Variants in PLD5 observed in about 807,000 individuals in gnomAD.
PLD5 encodes the protein phospholipase D family member 5.
In PLD5, 36 loss-of-function variants were observed where a neutral mutation model predicts 61.1. The observed-to-expected ratio is 0.59, with a 90% CI of 0.45 to 0.78. The LOEUF (loss-of-function observed/expected upper bound fraction) is 0.78, where lower values mean the gene tolerates loss of function less well. PLD5 is among the 30% of genes least tolerant of loss of function. The pLI is 0.00. For missense variants in PLD5, 515 were observed against 644.4 expected, an observed-to-expected ratio of 0.80 and a Z score of 2.17; for synonymous variants, 243 against 242.8, an observed-to-expected ratio of 1.00 and a Z score of -0.01.
chr1:242,161,790 T>C (rs1337630199), intron 5 of PLD5, among the ~76,000 whole-genome samples: 6 of 152,140 alleles, frequency 3.9e-5, no homozygotes, highest in Non-Finnish European at 8.8e-5. Context: ...GCAGGGACTG[T>C]TAGAAATATA....
intron 2 of PLD5, among the ~76,000 whole-genome samples, chr1:242,293,437 T>C (rs984524621): frequency 3.3e-5 from 5 of 152,210 alleles, no homozygotes; most frequent in Non-Finnish European, 7.3e-5. Flanking sequence ...CACATAACTT[T>C]TATTATAGTA....
intron 1 of PLD5, among the ~76,000 whole-genome samples, chr1:242,504,651 T>C (rs74150743): frequency 0.036 from 5,545 of 152,292 alleles, 181 homozygotes; most frequent in African/African-American, 0.086. Flanking sequence ...ACATTTACTT[T>C]GTAGCATATA....
At chr1:242,170,058 C>T (rs1438978983) in intron 5 of PLD5, among the ~76,000 whole-genome samples, 1 of 152,222 alleles carries the variant, frequency 6.6e-6, no homozygotes, top group East Asian at 1.9e-4. Context: ...AGCAACAGAC[C>T]TCTCAGCACA....
chr1:242,519,655 G>T (rs1459382673), intron 1 of PLD5, among the ~76,000 whole-genome samples: 2 of 152,176 alleles, frequency 1.3e-5, no homozygotes, highest in Non-Finnish European at 2.9e-5. Context: ...CTGCTAGCAG[G>T]ACCAGCTGAG....
At chr1:242,113,084 CTTTTTTTTTTTTTT>C (rs71570931) in intron 7 of PLD5, among the ~76,000 whole-genome samples, 1 of 110,694 alleles carries the variant, frequency 9.0e-6, no homozygotes, top group Non-Finnish European at 1.8e-5. Flanking sequence ...CTCTCTCTCT[CTTTTTTTTTTTTTT>C]TTTTTTTTTG....
At chr1:242,376,493 A>T (rs1661969217) in intron 1 of PLD5, among the ~76,000 whole-genome samples, 1 of 152,206 alleles carries the variant, frequency 6.6e-6, no homozygotes, top group South Asian at 2.1e-4. Flanking sequence ...AATTAAAAAC[A>T]CTAAAAAAGG....
At chr1:242,362,118 C>G (rs1461890785) in intron 1 of PLD5, among the ~76,000 whole-genome samples, 1 of 151,908 alleles carries the variant, frequency 6.6e-6, no homozygotes, top group African/African-American at 2.4e-5. Flanking sequence ...ATTTATTTAC[C>G]ATGACAATTT....
intron 5 of PLD5, among the ~76,000 whole-genome samples, chr1:242,207,844 A>ATATATTTATATATATT (rs1558344071): frequency 0.072 from 1,583 of 22,048 alleles, 389 homozygotes; most frequent in South Asian, 0.24. Context: ...TTATATATTT[A>ATATATTTATATATATT]TATATATTTA....
At position 242,107,680 on chromosome 1, in the gene PLD5, A is replaced by G. The variant is rs1661171406; in HGVS notation, c.1230T>C (p.Ser410=). 6.3e-7 allele frequency: 1 copy of G among 1,585,520 alleles called. No homozygotes were observed. ...TCAACGTAATACTTACAACTTTCAA[A>G]CTGCAGTTGGCTATTTCAGTGCAAA... ...KAICTEIANC[S]LKVKFFDLER... is the part of the protein sequence containing the mutation. The change falls in exon 8 of 10, where the codon AGT becomes AGC. Residue 410 remains serine (S), a synonymous_variant. Transcript: ENST00000536534.
At chr1:242,315,636 A>G (rs556496013) in intron 2 of PLD5, among the ~76,000 whole-genome samples, 1 of 152,266 alleles carries the variant, frequency 6.6e-6, no homozygotes, top group African/African-American at 2.4e-5. Flanking sequence ...TTGACAACTT[A>G]CTGGAGGATA....
At chr1:242,422,836 G>A (rs374929335) in intron 1 of PLD5, among the ~76,000 whole-genome samples, 38 of 131,190 alleles carry the variant, frequency 2.9e-4, no homozygotes, top group African/African-American at 1.1e-3. Context: ...CAGATAAACC[G>A]TATTTCTCTC....
At chr1:242,500,451 G>A (rs1668517485) in intron 1 of PLD5, among the ~76,000 whole-genome samples, 1 of 152,140 alleles carries the variant, frequency 6.6e-6, no homozygotes, top group African/African-American at 2.4e-5. Flanking sequence ...CAAGACATTT[G>A]CTAGGATACG....
intron 1 of PLD5, among the ~76,000 whole-genome samples, chr1:242,434,833 T>A (rs1012359716): frequency 6.6e-6 from 1 of 152,166 alleles, no homozygotes; most frequent in Non-Finnish European, 1.5e-5. Context: ...CAGGATGGTC[T>A]TGATCTCCTG....
intron 5 of PLD5, among the ~76,000 whole-genome samples, chr1:242,142,571 G>A (rs973720423): frequency 4.6e-5 from 7 of 152,220 alleles, no homozygotes; most frequent in African/African-American, 1.7e-4. Context: ...GAAAAGGACT[G>A]AATGGGAAAT....
intron 6 of PLD5, among the ~76,000 whole-genome samples, chr1:242,123,476 T>TCA (rs962549768): frequency 6.6e-6 from 1 of 151,936 alleles, no homozygotes. Context: ...CAGAGCACAC[T>TCA]CACACACACA....
At chr1:242,136,245 T>C (rs570949553) in intron 5 of PLD5, among the ~76,000 whole-genome samples, 3 of 152,342 alleles carry the variant, frequency 2.0e-5, no homozygotes, top group Non-Finnish European at 4.4e-5. Context: ...CTCATTCTCC[T>C]ATGGCTGTTC....
chr1:242,460,346 A>G (rs1253254241), intron 1 of PLD5, among the ~76,000 whole-genome samples: 1 of 152,000 alleles, frequency 6.6e-6, no homozygotes, highest in Non-Finnish European at 1.5e-5. Flanking sequence ...AGCTCTCACT[A>G]TCTTGTGTGT....
chr1:242,524,571 G>A lies in PLD5; in HGVS notation c.-295C>T, dbSNP rs1309902514. ...GGGGACGGACGGGGAGAAGGGGGACGAGAGGGGACAGGGAGGGAAAGGAAC... is the reference window on the plus strand; with the variant it reads ...GGGGACGGACGGGGAGAAGGGGGACAAGAGGGGACAGGGAGGGAAAGGAAC... On this transcript the variant is annotated 5_prime_UTR_variant, in exon 1 of 10. Coordinates refer to ENST00000536534, the MANE Select transcript of PLD5 (RefSeq NM_001372062.1). The A allele has an allele frequency of 1.2e-4, 26 of 223,898 alleles. 1 individual carries two copies. Among genetic ancestry groups the A allele is most frequent in the African/African-American group, 5.3e-4 (22 of 41,544 alleles). 13.9% of individuals were successfully genotyped at this position (223,898 alleles called of 1,614,324 possible). A position where few individuals can be genotyped will look rare whatever the true frequency, so the allele number is the denominator to read the frequency against.
chr1:242,360,909 C>T (rs1336815657), intron 1 of PLD5, among the ~76,000 whole-genome samples: 1 of 152,054 alleles, frequency 6.6e-6, no homozygotes, highest in African/African-American at 2.4e-5. Flanking sequence ...TCACATTAAT[C>T]TAGTCCAGAA....
Sources: gnomAD v4.1 joint callset for allele counts (sites outside exome capture counted in the v4.1 genomes callset) on GRCh38, gnomAD v4.1.1 for gene constraint, MANE v1.5 for transcripts, NCBI Gene and HGNC (gene_info 2026-07-23, HGNC 2026-07-21) for gene names.